UNC5D: variants seen among roughly 807,000 people sequenced by gnomAD.
UNC5D encodes netrin receptor UNC5D.
In UNC5D, 39 loss-of-function variants were observed where a neutral mutation model predicts 105.4. That is an observed-to-expected ratio of 0.37 (90% CI 0.29 to 0.48). The LOEUF is 0.48. Ranked by LOEUF, UNC5D falls within the 20% of genes least tolerant of loss-of-function variation. The pLI, the probability that UNC5D is intolerant of heterozygous loss-of-function variation, is 0.98. For missense variants in UNC5D, 991 were observed against 1,202.4 expected (o/e 0.82, Z 2.60); for synonymous variants, 452 against 450.4 (o/e 1.00, Z -0.04).
intron 4 of UNC5D, among the ~76,000 whole-genome samples, chr8:35,605,715 T>G (rs1331719681): frequency 6.6e-6 from 1 of 152,226 alleles, no homozygotes; most frequent in Non-Finnish European, 1.5e-5. Flanking sequence ...TATAAATTTA[T>G]TAACTCAATC....
intron 1 of UNC5D, among the ~76,000 whole-genome samples, chr8:35,510,991 C>A (rs1812664723): frequency 6.6e-6 from 1 of 152,200 alleles, no homozygotes; most frequent in African/African-American, 2.4e-5. Flanking sequence ...TGGCCTCCAA[C>A]TAAGAGGACC....
intron 1 of UNC5D, among the ~76,000 whole-genome samples, chr8:35,439,937 G>C (rs1807284446): frequency 6.6e-6 from 1 of 151,994 alleles, no homozygotes; most frequent in Non-Finnish European, 1.5e-5. Context: ...AACTGAAGGA[G>C]GTAGTGAAAT....
At chr8:35,611,129 C>T (rs1220626210) in intron 4 of UNC5D, among the ~76,000 whole-genome samples, 1 of 151,192 alleles carries the variant, frequency 6.6e-6, no homozygotes, top group African/African-American at 2.4e-5. Flanking sequence ...GCTTTAAGAA[C>T]CTTTGATTCT....
intron 13 of UNC5D, among the ~76,000 whole-genome samples, chr8:35,757,189 C>T (rs548008301): frequency 1.3e-5 from 2 of 152,286 alleles, no homozygotes; most frequent in African/African-American, 4.8e-5. Context: ...AAGATTGGTA[C>T]TCTTTTGAGT....
intron 4 of UNC5D, among the ~76,000 whole-genome samples, chr8:35,630,496 A>G (rs1821970415): frequency 6.6e-6 from 1 of 152,186 alleles, no homozygotes; most frequent in African/African-American, 2.4e-5. Flanking sequence ...GCAACTCAGA[A>G]GCAGTGGTGT....
chr8:35,574,533 A>C (rs1208246875), intron 3 of UNC5D, among the ~76,000 whole-genome samples: 4 of 152,232 alleles, frequency 2.6e-5, no homozygotes, highest in African/African-American at 9.6e-5. Flanking sequence ...TAGTCAAAGA[A>C]GTATTATTTT....
chr8:35,598,597 C>T (rs938058380), intron 4 of UNC5D, among the ~76,000 whole-genome samples: 1 of 152,174 alleles, frequency 6.6e-6, no homozygotes, highest in Admixed American at 6.5e-5. Flanking sequence ...TACCTGCACC[C>T]CCATGTTCAT....
chr8:35,368,666 TA>T (rs978423040), intron 1 of UNC5D, among the ~76,000 whole-genome samples: 3 of 151,940 alleles, frequency 2.0e-5, no homozygotes, highest in African/African-American at 7.2e-5. Flanking sequence ...TGCGTCTCTT[TA>T]AAATTCGTAT....
At chr8:35,742,904 T>C (rs1829831611) in intron 11 of UNC5D, among the ~76,000 whole-genome samples, 2 of 152,208 alleles carry the variant, frequency 1.3e-5, no homozygotes, top group Admixed American at 6.5e-5. Context: ...CTGCAGCACC[T>C]TCATCATCCT....
At chr8:35,324,457 A>G (rs1165507211) in intron 1 of UNC5D, among the ~76,000 whole-genome samples, 2 of 151,870 alleles carry the variant, frequency 1.3e-5, no homozygotes, top group African/African-American at 2.4e-5. Flanking sequence ...TTGAGTATTT[A>G]AAATAGGTAT....
At chr8:35,575,173 T>C (rs1369497715) in intron 3 of UNC5D, among the ~76,000 whole-genome samples, 2 of 152,230 alleles carry the variant, frequency 1.3e-5, no homozygotes. Context: ...TGAAGGTATT[T>C]GTGGATTTAT....
At chr8:35,267,961 C>T (rs1805006663) in intron 1 of UNC5D, among the ~76,000 whole-genome samples, 1 of 151,970 alleles carries the variant, frequency 6.6e-6, no homozygotes, top group Non-Finnish European at 1.5e-5. Flanking sequence ...TGTTTCTCAT[C>T]ATCATAAAAA....
rs116559236 is a variant in UNC5D at position 35,479,969 on chromosome 8, C to T, written c.104-69323C>T. ...AGTGCTTTAAAATGTGGTGATCTAG[C>T]GCTCTGTTCTCTGGAATGCACCACT... is the stretch of plus-strand genomic sequence containing the variant. On this transcript the variant is annotated intron_variant, in intron 1 of 16. Coordinates refer to ENST00000404895, the MANE Select transcript of UNC5D (RefSeq NM_080872.4). 7.8e-3 allele frequency among the ~76,000 whole-genome samples: 1,182 copies of T among 152,236 alleles called. 18 individuals carry two copies. The highest frequency in any genetic ancestry group is 0.027 in the African/African-American group (1,109 of 41,546).
chr8:35,519,814 A>G (rs1051581772), intron 1 of UNC5D, among the ~76,000 whole-genome samples: 4 of 152,152 alleles, frequency 2.6e-5, no homozygotes, highest in African/African-American at 9.7e-5. Flanking sequence ...AAACATGGAA[A>G]AAAAAAGTTC....
At chr8:35,296,534 C>T (rs1454338636) in intron 1 of UNC5D, among the ~76,000 whole-genome samples, 1 of 152,164 alleles carries the variant, frequency 6.6e-6, no homozygotes, top group Non-Finnish European at 1.5e-5. Context: ...ATTCTTCTGC[C>T]TCTGCCTCCT....
At chr8:35,272,682 A>G (rs1805496854) in intron 1 of UNC5D, among the ~76,000 whole-genome samples, 1 of 152,180 alleles carries the variant, frequency 6.6e-6, no homozygotes, top group African/African-American at 2.4e-5. Flanking sequence ...TAGTGGACTC[A>G]GGGGTGCTGT....
At chr8:35,416,629 T>C (rs988372937) in intron 1 of UNC5D, among the ~76,000 whole-genome samples, 1 of 152,252 alleles carries the variant, frequency 6.6e-6, no homozygotes, top group African/African-American at 2.4e-5. Flanking sequence ...TTTTAACAAG[T>C]GTTTGACTTT....
intron 4 of UNC5D, among the ~76,000 whole-genome samples, chr8:35,664,333 G>C (rs1824296285): frequency 1.3e-5 from 2 of 151,952 alleles, no homozygotes; most frequent in South Asian, 4.2e-4. Context: ...GTTTTAATTG[G>C]GTTGAGTCCA....
intron 4 of UNC5D, among the ~76,000 whole-genome samples, chr8:35,613,513 A>G (rs1820829788): frequency 6.6e-6 from 1 of 152,196 alleles, no homozygotes; most frequent in African/African-American, 2.4e-5. Context: ...AATACTCTTT[A>G]ATAAATTTAT....
Sources: allele counts gnomAD v4.1 joint callset (sites outside exome capture counted in the v4.1 genomes callset), GRCh38; gene constraint gnomAD v4.1.1; transcripts MANE v1.5; gene names NCBI Gene and HGNC (gene_info 2026-07-23, HGNC 2026-07-21).